The following CCDC85C variants were observed in gnomAD, a reference collection of about 807,000 sequenced individuals.
CCDC85C encodes the protein coiled-coil domain containing 85C, also known as coiled-coil domain-containing protein 85C.
Under a neutral mutation model 38.3 loss-of-function variants are expected in CCDC85C, and 18 were observed. The ratio of observed to expected loss-of-function variants is 0.47; its 90% CI spans 0.33 to 0.70. The LOEUF (loss-of-function observed/expected upper bound fraction) is 0.70. Ranked by LOEUF, CCDC85C falls within the 30% of genes least tolerant of loss-of-function variation. The probability of loss-of-function intolerance (pLI) is 0.03; values close to 1 mark genes in which losing one functional copy is unlikely to be tolerated. For synonymous variants in CCDC85C, 264 were observed against 293.8 expected (o/e 0.90, Z 1.04); for missense variants, 566 against 621.2 (o/e 0.91, Z 0.94).
rs1257261827 is a variant in CCDC85C at position 99,509,197 on chromosome 14, CCTCT to C, written c.*6045_*6048del. The C allele has an allele frequency of 7.9e-5, 12 of 152,378 alleles. No individual in the cohort carries two copies. The East Asian group carries it at 9.6e-4, about 12-fold the overall frequency. The allele number at this position is 152,378 out of a possible 1,614,324, so 9.4% of individuals were successfully genotyped here. A position where few individuals can be genotyped will look rare whatever the true frequency, so the allele number is the denominator to read the frequency against. On this transcript the variant is annotated 3_prime_UTR_variant, in exon 6 of 6. Coordinates refer to ENST00000380243, the MANE Select transcript of CCDC85C (RefSeq NM_001144995.2). The stretch of plus-strand genomic sequence containing the variant: ...ACCAGAAGCATCTTCGTGGCTTTGT[CCTCT>C]CTATGTTCTCTGGAACCAGAAATGT...
In CCDC85C at chr14:99,545,358, T is replaced by C. The variant is rs1051054309; in HGVS notation, c.794-9270A>G. ...GAAAGCCCCGCTCCGGCTCAGTTCATCTAGAATGTGCCCTACTTTGGATCT... is the reference window on the plus strand; with the variant it reads ...GAAAGCCCCGCTCCGGCTCAGTTCACCTAGAATGTGCCCTACTTTGGATCT... On this transcript the variant is annotated intron_variant, in intron 1 of 5. Transcript: ENST00000380243. The surrounding 1 kb of genome is among the most constrained non-coding windows in gnomAD (Gnocchi z 4.7). 2.6e-5 allele frequency among the ~76,000 whole-genome samples: 4 copies of C among 152,146 alleles called. No homozygotes were observed. The highest frequency in any genetic ancestry group is 9.7e-5 in the African/African-American group (4 of 41,438).
chr14:99,547,364 G>A (rs1276588697), intron 1 of CCDC85C, among the ~76,000 whole-genome samples: 1 of 152,186 alleles, frequency 6.6e-6, no homozygotes, highest in Admixed American at 6.5e-5. Context: ...GGCTGGTGCA[G>A]GCAAGGAGGG....
In CCDC85C at chr14:99,506,943, A is replaced by G; in HGVS notation, c.*8303T>C. On this transcript the variant is annotated 3_prime_UTR_variant, in exon 6 of 6. Coordinates refer to ENST00000380243, the MANE Select transcript of CCDC85C (RefSeq NM_001144995.2). ...TAATGGTTTAGCTGAAACCTTCTTC[A>G]AGTTCCCTTAAAGCCTTGGTCATCT... 1.4e-6 allele frequency: 1 copy of G among 714,734 alleles called. No individual in the cohort carries two copies. Among genetic ancestry groups the G allele is most frequent in the Non-Finnish European group, 2.6e-6 (1 of 388,802 alleles). The allele number at this position is 714,734 out of a possible 1,614,324, so 44.3% of individuals were successfully genotyped here.
chr14:99,592,770 G>T (rs1470201677), intron 1 of CCDC85C, among the ~76,000 whole-genome samples: 1 of 152,198 alleles, frequency 6.6e-6, no homozygotes, highest in Non-Finnish European at 1.5e-5. Context: ...TTTGGACCAG[G>T]AAACGTGAGC....
chr14:99,542,333 T>C (rs533984878), intron 1 of CCDC85C, among the ~76,000 whole-genome samples: 1 of 152,312 alleles, frequency 6.6e-6, no homozygotes, highest in African/African-American at 2.4e-5. Context: ...CTCCAGGCTC[T>C]TAAGCCAGTG....
At chr14:99,574,966 A>G (rs541326465) in intron 1 of CCDC85C, among the ~76,000 whole-genome samples, 1 of 152,340 alleles carries the variant, frequency 6.6e-6, no homozygotes, top group African/African-American at 2.4e-5. Flanking sequence ...CTGAGAAGCC[A>G]GTGACTGGTC....
rs543582550 is a variant in CCDC85C, at chr14:99,516,272, G to C, written c.1086C>G (p.His362Gln). 2 of 1,550,992 alleles carry C rather than the reference G, an allele frequency of 1.3e-6. No individual in the cohort carries two copies. The highest frequency in any genetic ancestry group is 2.4e-5 in the East Asian group (1 of 40,910). ...CCTGGAGCTGCCGGTCCAGATTCTC[G>C]TGTACCTCCAGGACCTGAAGGGAAC... ...VVHAMKVLEV[H>Q]ENLDRQLQDS... The change falls in exon 5 of 6, where the codon CAC (histidine) becomes CAG (glutamine). Residue 362 changes from histidine to glutamine, a missense_variant. This residue lies in a region of CCDC85C where 286 missense variants were observed against 276.4 expected (regional missense o/e 1.03). Coordinates refer to ENST00000380243, the MANE Select transcript of CCDC85C (RefSeq NM_001144995.2). The surrounding 1 kb of genome is among the most constrained non-coding windows in gnomAD (Gnocchi z 5.5).
At chr14:99,549,975 C>T (rs2400685) in intron 1 of CCDC85C, among the ~76,000 whole-genome samples, 87,554 of 152,072 alleles carry the variant, frequency 0.58, 25,890 homozygotes, top group African/African-American at 0.71. Context: ...CAGTGTAGTG[C>T]GGGGGAAGAA....
intron 1 of CCDC85C, among the ~76,000 whole-genome samples, chr14:99,542,821 C>T (rs1488451458): frequency 6.6e-6 from 1 of 152,244 alleles, no homozygotes; most frequent in Non-Finnish European, 1.5e-5. Flanking sequence ...CCGCCCTACA[C>T]CTCTGAGGCA....
intron 2 of CCDC85C, among the ~76,000 whole-genome samples, chr14:99,526,519 G>A (rs996513176): frequency 1.3e-5 from 2 of 152,160 alleles, no homozygotes; most frequent in African/African-American, 2.4e-5. Context: ...CTACGGAGGC[G>A]AGAGGTGAGA....
At chr14:99,536,244 C>T (rs1897597133) in intron 1 of CCDC85C, among the ~76,000 whole-genome samples, 156 bp from the exon 2 acceptor site, 1 of 152,168 alleles carries the variant, frequency 6.6e-6, no homozygotes, top group Non-Finnish European at 1.5e-5. Flanking sequence ...AGCCCTCGCC[C>T]GCCCTGTGGA....
intron 1 of CCDC85C, among the ~76,000 whole-genome samples, chr14:99,599,776 G>A (rs141828685): frequency 0.018 from 2,751 of 152,230 alleles, 43 homozygotes; most frequent in Non-Finnish European, 0.024. Context: ...CCAGGAGGCC[G>A]AGGCAAGAGG....
intron 3 of CCDC85C, among the ~76,000 whole-genome samples, chr14:99,519,154 C>T (rs542862255): frequency 6.7e-5 from 9 of 134,860 alleles, no homozygotes; most frequent in Non-Finnish European, 1.2e-4. Context: ...CTCACTCTGT[C>T]GCCCAGGCTG....
chr14:99,546,220 G>A (rs565004372), intron 1 of CCDC85C, among the ~76,000 whole-genome samples: 2 of 152,100 alleles, frequency 1.3e-5, no homozygotes, highest in African/African-American at 2.4e-5. Context: ...GGCTCTGTGG[G>A]AAGAGCTGGG....
At chr14:99,589,896 G>A (rs560887049) in intron 1 of CCDC85C, among the ~76,000 whole-genome samples, 15 of 152,290 alleles carry the variant, frequency 9.8e-5, no homozygotes, top group African/African-American at 2.6e-4. Flanking sequence ...CCCCTCCACC[G>A]CAGCCACGCC....
At chr14:99,529,704 G>A (rs558863439) in intron 2 of CCDC85C, among the ~76,000 whole-genome samples, 1 of 152,356 alleles carries the variant, frequency 6.6e-6, no homozygotes, top group East Asian at 1.9e-4. Flanking sequence ...GCGCCCAGCT[G>A]AGGGGTGCGG....
At chr14:99,538,055 G>A (rs969917346) in intron 1 of CCDC85C, among the ~76,000 whole-genome samples, 3 of 152,324 alleles carry the variant, frequency 2.0e-5, no homozygotes, top group Admixed American at 6.5e-5. Context: ...ATGGACCCAC[G>A]TGTGGGGTCT....
intron 1 of CCDC85C, among the ~76,000 whole-genome samples, chr14:99,550,905 T>C (rs1489383423): frequency 6.6e-6 from 1 of 152,182 alleles, no homozygotes. Flanking sequence ...ACTGCTCACC[T>C]GGGTCCAGCT....
chr14:99,549,357 C>T (rs1897863261), intron 1 of CCDC85C, among the ~76,000 whole-genome samples: 1 of 152,210 alleles, frequency 6.6e-6, no homozygotes, highest in African/African-American at 2.4e-5. Context: ...GCAGTGACCT[C>T]CTTGGGTGCC....
Sources: allele counts gnomAD v4.1 joint callset (sites outside exome capture counted in the v4.1 genomes callset), GRCh38; gene constraint gnomAD v4.1.1; regional missense constraint gnomAD v4.1.1; non-coding constraint Gnocchi (gnomAD v3.1); transcripts MANE v1.5; gene names NCBI Gene and HGNC (gene_info 2026-07-23, HGNC 2026-07-21).